The following GRIP2 variants were observed in gnomAD, a reference collection of about 807,000 sequenced individuals.
GRIP2 encodes glutamate receptor interacting protein 2.
GRIP2 carries 58 observed loss-of-function variants against 108.3 expected under a neutral mutation model. That is an observed-to-expected ratio of 0.54 (90% confidence interval 0.43 to 0.67). The LOEUF is 0.67. Ranked by LOEUF, GRIP2 falls within the 30% of genes least tolerant of loss-of-function variation. The pLI is 0.00. For synonymous variants in GRIP2, 586 were observed against 598.2 expected, an observed-to-expected ratio of 0.98 and a Z score of 0.30; for missense variants, 1,278 against 1,430.6, an observed-to-expected ratio of 0.89 and a Z score of 1.72.
chr3:14,527,393 A>G (rs867529859), intron 1 of GRIP2, among the ~76,000 whole-genome samples: 5 of 137,536 alleles, frequency 3.6e-5, no homozygotes, highest in Non-Finnish European at 8.1e-5. Flanking sequence ...GAAAGGAAAG[A>G]AAGGAAAGGA....
chr3:14,513,610 G>C lies in GRIP2; in HGVS notation c.1639+55C>G, dbSNP rs749292927. On this transcript the variant is annotated intron_variant, in intron 13 of 23. Transcript: ENST00000621039. ...TTGCACAGGCGAGGCAGGATAAAGAGAGGAGGGGTGCAGGGCCCTGAAATA... is the reference window on the plus strand; with the variant it reads ...TTGCACAGGCGAGGCAGGATAAAGACAGGAGGGGTGCAGGGCCCTGAAATA... The C allele has an allele frequency of 3.0e-4, 471 of 1,555,174 alleles. 4 individuals carry two copies. The highest frequency in any genetic ancestry group is 7.9e-5 in the Non-Finnish European group (91 of 1,149,214).
chr3:14,535,775 C>G (rs1694819237), intron 1 of GRIP2, among the ~76,000 whole-genome samples: 1 of 152,198 alleles, frequency 6.6e-6, no homozygotes, highest in Admixed American at 6.5e-5. Flanking sequence ...AGGGGTCTGG[C>G]CCTACCCTCT....
chr3:14,514,955 C>T (rs1694209599), intron 11 of GRIP2, among the ~76,000 whole-genome samples: 1 of 152,190 alleles, frequency 6.6e-6, no homozygotes, highest in African/African-American at 2.4e-5. Flanking sequence ...AACATTTCAT[C>T]ACCTCCAGAA....
chr3:14,525,358 G>C, intron 3 of GRIP2, 79 bp downstream of exon 3: 1 of 1,541,040 alleles, frequency 6.5e-7, no homozygotes. Flanking sequence ...AAGACCTTCA[G>C]TACATTTTCC....
Position 14,521,432 on chromosome 3 carries a change from C to G in GRIP2, c.712+210G>C. ...CACCAGAATGCCAGCTCCATGAGAA[C>G]AGACACCTCAATTCTGTTGTTCTAG... On this transcript the variant is annotated intron_variant, in intron 7 of 23. Transcript: ENST00000621039. This position sits in a 1 kb window ranked among gnomAD's most constrained non-coding sequence, Gnocchi z 5.1. 1.8e-6 allele frequency: 1 copy of G among 543,622 alleles called. No homozygotes were observed. Among genetic ancestry groups the G allele is most frequent in the South Asian group, 3.0e-5 (1 of 33,068 alleles). 33.7% of individuals were successfully genotyped at this position (543,622 alleles called of 1,614,324 possible).
intron 21 of GRIP2, 72 bp from the exon 22 acceptor site, chr3:14,496,632 A>G: frequency 6.5e-7 from 1 of 1,530,718 alleles, no homozygotes; most frequent in Non-Finnish European, 8.8e-7. Flanking sequence ...TCCACTGACA[A>G]CTACTATGTG....
chr3:14,502,506 AG>A (rs1403167890), intron 21 of GRIP2, among the ~76,000 whole-genome samples: 11 of 146,356 alleles, frequency 7.5e-5, no homozygotes, highest in African/African-American at 2.8e-4. Flanking sequence ...AAAAAAAAAG[AG>A]AGAGAGAGAG....
At chr3:14,568,323 G>C in the GRIP2 span, among the ~76,000 whole-genome samples, 1,038 of 152,304 alleles carry the variant, frequency 6.8e-3, 11 homozygotes, top group Non-Finnish European at 9.5e-3. Flanking sequence ...CGTGGACCAG[G>C]TCCGTAAGAG....
In GRIP2 at chr3:14,523,702, G is replaced by T; in HGVS notation, c.404-4C>A. On this transcript the variant is annotated splice_polypyrimidine_tract_variant and splice_region_variant and intron_variant, in intron 4 of 23. Transcript: ENST00000621039. ...ATCCTGGGGTTATTCTCAGGAGCTG[G>T]GGAGAAATGGAGGACTCCTTTGAGT... The T allele has an allele frequency of 6.2e-7, 1 of 1,604,180 alleles. No individual in the cohort carries two copies.
Position 14,494,885 on chromosome 3 carries a change from T to C in GRIP2, c.2928A>G (p.Pro976=). The change falls in exon 23 of 24, where the codon CCA becomes CCG. Residue 976 remains proline (P), a synonymous_variant. Coordinates refer to ENST00000621039, the MANE Select transcript of GRIP2 (RefSeq NM_001080423.4). ...AGGGCTGGAGGCCTCCACGGTGGGC[T>C]GGCCCATCAGGGCGCACAGTGTGGA... ...VYVHTVRPDG[P]AHRGGLQPFD... 6.2e-7 allele frequency: 1 copy of C among 1,613,896 alleles called. No homozygotes were observed. Among genetic ancestry groups the C allele is most frequent in the South Asian group, 1.1e-5 (1 of 91,086 alleles).
intron 1 of GRIP2, chr3:14,555,888 A>T (rs1036893040): frequency 1.4e-4 from 56 of 399,144 alleles, no homozygotes; most frequent in Non-Finnish European, 2.2e-4. Context: ...CTCCACCCAG[A>T]CTCACCGGCA....
Position 14,493,709 on chromosome 3 carries a change from G to C in GRIP2, c.3088C>G (p.Arg1030Gly). 1 of 1,609,444 alleles carries C rather than the reference G, an allele frequency of 6.2e-7. No homozygotes were observed. Among genetic ancestry groups the C allele is most frequent in the Non-Finnish European group, 8.5e-7 (1 of 1,178,224 alleles). Residue 1030 changes from arginine (R) to glycine (G), a missense_variant, in exon 24 of 24, where the codon CGG (arginine) becomes GGG (glycine). Arg to Gly is a moderately radical substitution (Grantham distance 125). Transcript: ENST00000621039. ...CTGGGGCCTGGCGATCGGGGGGCCCGGCTGCTGTGTGCCGTGTGCGGCTTG... is the reference window on the plus strand; with the variant it reads ...CTGGGGCCTGGCGATCGGGGGGCCCCGCTGCTGTGTGCCGTGTGCGGCTTG... ...SRKPHTAHSS[R>G]APRSPGPSSP... is the part of the protein sequence containing the mutation.
intron 21 of GRIP2, among the ~76,000 whole-genome samples, chr3:14,501,457 T>C (rs1266789409): frequency 4.6e-5 from 7 of 152,234 alleles, no homozygotes; most frequent in Non-Finnish European, 4.4e-5. Flanking sequence ...GCTCCAAGCA[T>C]GGATTAGACA....
chr3:14,542,146 AT>A, upstream of GRIP2: 1 of 1,068,182 alleles, frequency 9.4e-7, no homozygotes, highest in Non-Finnish European at 1.2e-6. Flanking sequence ...CTCTCTTTTT[AT>A]TTTTTATTTT....
chr3:14,527,625 C>T (rs1415151209), intron 1 of GRIP2, among the ~76,000 whole-genome samples: 1 of 152,154 alleles, frequency 6.6e-6, no homozygotes, highest in African/African-American at 2.4e-5. Flanking sequence ...GATGGTGGCT[C>T]ACACCTGTAA....
At chr3:14,573,595 C>T in the GRIP2 span, 1 of 1,457,872 alleles carries the variant, frequency 6.9e-7, no homozygotes, top group Non-Finnish European at 9.6e-7. Context: ...GAGGTGATCT[C>T]ACACTCGCCG....
chr3:14,522,532 G>A lies in GRIP2; in HGVS notation c.566+468C>T, dbSNP rs1417498508. On this transcript the variant is annotated intron_variant, in intron 6 of 23. Transcript: ENST00000621039. This position sits in a 1 kb window ranked among gnomAD's most constrained non-coding sequence, Gnocchi z 4.3. ...GCCGAGGGATCAGGGGCTGGGAACTGGACATGTTCTTTCCCCACATTCTCT... is the reference window on the plus strand; with the variant it reads ...GCCGAGGGATCAGGGGCTGGGAACTAGACATGTTCTTTCCCCACATTCTCT... 1 of 160,552 alleles carries A rather than the reference G, an allele frequency of 6.2e-6. No homozygotes were observed. 9.9% of individuals were successfully genotyped at this position (160,552 alleles called of 1,614,324 possible). A position where few individuals can be genotyped will look rare whatever the true frequency, so the allele number is the denominator to read the frequency against.
chr3:14,517,478 C>G (rs1694281361), intron 10 of GRIP2, among the ~76,000 whole-genome samples: 1 of 139,606 alleles, frequency 7.2e-6, no homozygotes, highest in African/African-American at 2.7e-5. Context: ...TGAGGCAGGC[C>G]ACCTAATCTC....
chr3:14,546,119 C>T (rs995074769), upstream of GRIP2, among the ~76,000 whole-genome samples: 1 of 152,140 alleles, frequency 6.6e-6, no homozygotes, highest in Non-Finnish European at 1.5e-5. Flanking sequence ...TCTTCACACC[C>T]CGTAGGGACC....
Sources: gnomAD v4.1 joint callset for allele counts (sites outside exome capture counted in the v4.1 genomes callset) on GRCh38, gnomAD v4.1.1 for gene constraint, Gnocchi (gnomAD v3.1) non-coding constraint, MANE v1.5 for transcripts, NCBI Gene and HGNC (gene_info 2026-07-23, HGNC 2026-07-21) for gene names.